Variants in GABRG3 observed in about 807,000 individuals in gnomAD.
GABRG3 encodes gamma-aminobutyric acid receptor subunit gamma-3.
A neutral mutation model predicts 48.8 loss-of-function variants in GABRG3; 25 were observed. The observed-to-expected ratio is 0.51, with a 90% CI of 0.37 to 0.72. The LOEUF (loss-of-function observed/expected upper bound fraction) is 0.72. Among genes scored for constraint, GABRG3 ranks in the 30% least tolerant of loss-of-function variants. The pLI, the probability that GABRG3 is intolerant of heterozygous loss-of-function variation, is 0.00. For missense variants in GABRG3, 394 were observed against 577.9 expected, an observed-to-expected ratio of 0.68 and a Z score of 3.26; for synonymous variants, 227 against 217.6, an observed-to-expected ratio of 1.04 and a Z score of -0.38.
At chr15:27,111,340 C>A (rs1897545561) in intron 3 of GABRG3, among the ~76,000 whole-genome samples, 1 of 152,142 alleles carries the variant, frequency 6.6e-6, no homozygotes, top group South Asian at 2.1e-4. Context: ...ACTTCAAATT[C>A]CCTGTCTACT....
At chr15:27,001,941 G>A (rs980294790) in intron 2 of GABRG3, among the ~76,000 whole-genome samples, 3 of 141,728 alleles carry the variant, frequency 2.1e-5, no homozygotes, top group African/African-American at 7.9e-5. Context: ...TTTAGGGATT[G>A]TTTGGGTATT....
At chr15:27,312,635 A>G (rs964442090) in intron 3 of GABRG3, among the ~76,000 whole-genome samples, 1 of 152,160 alleles carries the variant, frequency 6.6e-6, no homozygotes, top group Non-Finnish European at 1.5e-5. Context: ...TTCAGATGAT[A>G]TATTCAGAGT....
intron 2 of GABRG3, among the ~76,000 whole-genome samples, chr15:27,001,969 A>C (rs1895457759): frequency 6.8e-6 from 1 of 147,492 alleles, no homozygotes; most frequent in African/African-American, 2.5e-5. Context: ...AGATGAAGAT[A>C]TAGTGTGATA....
intron 2 of GABRG3, among the ~76,000 whole-genome samples, chr15:26,988,747 T>C (rs1412543991): frequency 6.6e-6 from 1 of 152,138 alleles, no homozygotes; most frequent in East Asian, 1.9e-4. Context: ...TTTATTTTCC[T>C]AATTAGCCGT....
chr15:27,309,162 G>A (rs1233971289), intron 3 of GABRG3, among the ~76,000 whole-genome samples: 1 of 145,332 alleles, frequency 6.9e-6, no homozygotes, highest in African/African-American at 2.7e-5. Context: ...CACATATAAT[G>A]TAAACAGATG....
intron 5 of GABRG3, among the ~76,000 whole-genome samples, chr15:27,406,030 A>G (rs1013613251): frequency 6.6e-6 from 1 of 152,154 alleles, no homozygotes; most frequent in African/African-American, 2.4e-5. Flanking sequence ...AGTGGTGTGC[A>G]CCTGTAATCC....
intron 3 of GABRG3, among the ~76,000 whole-genome samples, chr15:27,281,437 C>A (rs1891429915): frequency 6.7e-6 from 1 of 150,282 alleles, no homozygotes; most frequent in Admixed American, 6.6e-5. Context: ...AGGATAGCAT[C>A]TCTCTGTTTT....
chr15:27,136,777 G>A (rs1180614976), intron 3 of GABRG3, among the ~76,000 whole-genome samples: 1 of 151,998 alleles, frequency 6.6e-6, no homozygotes, highest in East Asian at 1.9e-4. Context: ...CAACTCAAGG[G>A]GTAAGTCACA....
Position 27,537,605 on chromosome 15 carries a change from G to C in GABRG3, c.*4724G>C, listed in dbSNP as rs1295898742. 6.6e-6 allele frequency: 1 copy of C among 151,720 alleles called. No individual in the cohort carries two copies. The highest frequency in any genetic ancestry group is 2.4e-5 in the African/African-American group (1 of 41,172). The allele number at this position is 151,720 out of a possible 1,614,324, so 9.4% of individuals were successfully genotyped here. On this transcript the variant is annotated 3_prime_UTR_variant, in exon 10 of 10. Coordinates refer to ENST00000615808, the MANE Select transcript of GABRG3 (RefSeq NM_033223.5). ...AAACGTGTATGTTTTGAGATGATTT[G>C]GTAAGAACTCAGCCATTCAGTATTT...
At chr15:26,983,097 C>T (rs1829187406) in intron 2 of GABRG3, among the ~76,000 whole-genome samples, 1 of 151,940 alleles carries the variant, frequency 6.6e-6, no homozygotes, top group Non-Finnish European at 1.5e-5. Flanking sequence ...CAGAAGGGCT[C>T]TGCTTTAAAA....
chr15:27,293,307 A>C (rs576879605), intron 3 of GABRG3, among the ~76,000 whole-genome samples: 8 of 152,322 alleles, frequency 5.3e-5, no homozygotes, highest in Non-Finnish European at 2.9e-5. Flanking sequence ...CAAAGATCTG[A>C]TAAAAAAGAA....
chr15:27,294,434 C>G (rs1891908678), intron 3 of GABRG3, among the ~76,000 whole-genome samples: 1 of 152,074 alleles, frequency 6.6e-6, no homozygotes, highest in Admixed American at 6.6e-5. Flanking sequence ...CCAGGCTGGT[C>G]TCAAGCTCTT....
intron 7 of GABRG3, among the ~76,000 whole-genome samples, chr15:27,525,643 A>G (rs1891258350): frequency 1.3e-5 from 2 of 152,172 alleles, no homozygotes; most frequent in African/African-American, 2.4e-5. Flanking sequence ...AACAGTTTGT[A>G]TTTCTATTGA....
At chr15:27,043,723 G>A (rs988048025) in intron 3 of GABRG3, among the ~76,000 whole-genome samples, 13 of 152,194 alleles carry the variant, frequency 8.5e-5, no homozygotes, top group African/African-American at 3.1e-4. Flanking sequence ...ACCTATTGCT[G>A]TGTAACGAAG....
intron 3 of GABRG3, among the ~76,000 whole-genome samples, chr15:27,204,523 C>CT (rs1888792345): frequency 6.6e-6 from 1 of 152,014 alleles, no homozygotes; most frequent in Non-Finnish European, 1.5e-5. Flanking sequence ...TATTCAGACT[C>CT]TTTTTTGGTT....
intron 3 of GABRG3, among the ~76,000 whole-genome samples, chr15:27,318,570 G>C (rs115715292): frequency 1.3e-5 from 2 of 152,174 alleles, no homozygotes; most frequent in African/African-American, 4.8e-5. Context: ...CCCTAGGGCC[G>C]ATTGTGCCCA....
chr15:27,296,938 C>G (rs898686954), intron 3 of GABRG3, among the ~76,000 whole-genome samples: 2 of 151,474 alleles, frequency 1.3e-5, no homozygotes, highest in Non-Finnish European at 2.9e-5. Context: ...GATGACGGCT[C>G]CATGTGTGCT....
chr15:26,996,982 C>G (rs1189411381), intron 2 of GABRG3, among the ~76,000 whole-genome samples: 1 of 152,158 alleles, frequency 6.6e-6, no homozygotes, highest in Non-Finnish European at 1.5e-5. Flanking sequence ...CACCACACAT[C>G]TCTCTGAATC....
intron 3 of GABRG3, among the ~76,000 whole-genome samples, chr15:27,292,344 G>A (rs1891822262): frequency 6.6e-6 from 1 of 151,632 alleles, no homozygotes; most frequent in African/African-American, 2.4e-5. Flanking sequence ...CAGGTTGATG[G>A]GTGCAGCAAA....
Sources: gnomAD v4.1 joint callset for allele counts (sites outside exome capture counted in the v4.1 genomes callset) on GRCh38, gnomAD v4.1.1 for gene constraint, MANE v1.5 for transcripts, NCBI Gene and HGNC (gene_info 2026-07-23, HGNC 2026-07-21) for gene names.